Variants in LONRF1 observed in about 807,000 individuals in gnomAD.
LONRF1 encodes the protein LON peptidase N-terminal domain and ring finger 1.
In LONRF1, 37 loss-of-function variants were observed where a neutral mutation model predicts 85.8. The ratio of observed to expected loss-of-function variants is 0.43; its 90% CI spans 0.33 to 0.57. The LOEUF (loss-of-function observed/expected upper bound fraction) is 0.57, where lower values mean the gene tolerates loss of function less well. Ranked by LOEUF, LONRF1 falls within the 20% of genes least tolerant of loss-of-function variation. LONRF1 has a pLI of 0.04. For synonymous variants in LONRF1, 517 were observed against 390.1 expected (o/e 1.33, Z -3.83); for missense variants, 1,036 against 978.0 (o/e 1.06, Z -0.79).
At chr8:12,746,669 A>C (rs1477447337) in intron 1 of LONRF1, among the ~76,000 whole-genome samples, 1 of 152,222 alleles carries the variant, frequency 6.6e-6, no homozygotes, top group Non-Finnish European at 1.5e-5. Flanking sequence ...GTGCTGTTCT[A>C]AATGATTTAC....
At chr8:12,749,251 T>G (rs4437649) in intron 1 of LONRF1, among the ~76,000 whole-genome samples, 1 of 151,930 alleles carries the variant, frequency 6.6e-6, no homozygotes, top group African/African-American at 2.4e-5. Flanking sequence ...ACATAAATGG[T>G]AGCCTAGATA....
chr8:12,754,615 G>A, intron 1 of LONRF1, 85 bp downstream of exon 1: 1 of 1,234,098 alleles, frequency 8.1e-7, no homozygotes, highest in Non-Finnish European at 1.0e-6. Flanking sequence ...GGAGACTCTC[G>A]GGGCGCAGAC....
chr8:12,743,424 A>C, intron 1 of LONRF1, 142 bp from the exon 2 acceptor site: 1 of 595,144 alleles, frequency 1.7e-6, no homozygotes, highest in Non-Finnish European at 2.9e-6. Flanking sequence ...AGCCAAAGGC[A>C]GTATAGGCAC....
chr8:12,724,823 A>C (rs1027779698), intron 11 of LONRF1, among the ~76,000 whole-genome samples: 6 of 152,232 alleles, frequency 3.9e-5, no homozygotes, highest in Non-Finnish European at 7.3e-5. Flanking sequence ...AAACAGAATG[A>C]ATACTAAATT....
chr8:12,752,653 T>A (rs949885267), intron 1 of LONRF1, among the ~76,000 whole-genome samples: 3 of 152,206 alleles, frequency 2.0e-5, no homozygotes, highest in African/African-American at 7.2e-5. Flanking sequence ...CTTTTCCTGT[T>A]AAACATAATA....
intron 6 of LONRF1, among the ~76,000 whole-genome samples, chr8:12,736,150 C>G (rs981834961): frequency 1.3e-5 from 2 of 152,050 alleles, no homozygotes; most frequent in Admixed American, 1.3e-4. Flanking sequence ...CACTAGGCCT[C>G]CTGACCCCGT....
Position 12,738,050 on chromosome 8 carries a change from T to A in LONRF1, c.1058A>T (p.Asp353Val). 1 of 1,610,584 alleles carries A rather than the reference T, an allele frequency of 6.2e-7. No individual in the cohort carries two copies. Among genetic ancestry groups the A allele is most frequent in the Non-Finnish European group, 8.5e-7 (1 of 1,178,514 alleles). The change falls in exon 4 of 12, where the codon GAT becomes GTT. Residue 353 changes from aspartate (D) to valine (V), a missense_variant. By Grantham distance (152) the Asp-to-Val change is radical (BLOSUM62 -3). Transcript: ENST00000398246. ...AGACTCTTCCATCACTGAATGAAAA[T>A]CAAAAGGTCTGTTTTTAGTACATGG... The part of the protein sequence containing the change: ...SLPCTKNRPF[D>V]FHSVMEESQS...
At chr8:12,748,477 A>G (rs1799253822) in intron 1 of LONRF1, among the ~76,000 whole-genome samples, 1 of 152,228 alleles carries the variant, frequency 6.6e-6, no homozygotes, top group Admixed American at 6.5e-5. Context: ...CATTATATGC[A>G]TGAGCCACCA....
intron 11 of LONRF1, among the ~76,000 whole-genome samples, chr8:12,725,106 T>C (rs1300359386): frequency 6.6e-6 from 1 of 152,238 alleles, no homozygotes; most frequent in Non-Finnish European, 1.5e-5. Flanking sequence ...AGCCAGACCC[T>C]TCTTTTATGC....
rs1200818719 is a variant in LONRF1 at position 12,755,491 on chromosome 8, A to C, written c.-71T>G. 3 of 843,224 alleles carry C rather than the reference A, an allele frequency of 3.6e-6. No individual in the cohort carries two copies. The highest frequency in any genetic ancestry group is 4.3e-6 in the Non-Finnish European group (3 of 691,876). The allele number at this position is 843,224 out of a possible 1,614,324, so 52.2% of individuals were successfully genotyped here. A position where few individuals can be genotyped will look rare whatever the true frequency, so the allele number is the denominator to read the frequency against. ...GAGCCTCCCGGGCGCGCGGCTCCGC[A>C]CGCGGCCCGCGAGCAGGGGGGCGTG... On this transcript the variant is annotated 5_prime_UTR_variant, in exon 1 of 12. Coordinates refer to ENST00000398246, the MANE Select transcript of LONRF1 (RefSeq NM_152271.5).
At chr8:12,751,923 C>G (rs1799423305) in intron 1 of LONRF1, among the ~76,000 whole-genome samples, 1 of 152,094 alleles carries the variant, frequency 6.6e-6, no homozygotes, top group Non-Finnish European at 1.5e-5. Context: ...TATGAAACAT[C>G]TGAGAGTTAA....
intron 1 of LONRF1, among the ~76,000 whole-genome samples, chr8:12,744,347 T>A (rs937115532): frequency 6.6e-6 from 1 of 152,140 alleles, no homozygotes; most frequent in Non-Finnish European, 1.5e-5. Flanking sequence ...GAATTTTATA[T>A]CAACGAAAAC....
At chr8:12,744,059 C>G (rs1388640030) in intron 1 of LONRF1, among the ~76,000 whole-genome samples, 1 of 152,058 alleles carries the variant, frequency 6.6e-6, no homozygotes, top group Non-Finnish European at 1.5e-5. Flanking sequence ...GATGTCCAAG[C>G]AAGACATTAA....
At chr8:12,741,130 T>A in intron 2 of LONRF1, 134 bp from the exon 3 acceptor site, 1 of 863,794 alleles carries the variant, frequency 1.2e-6, no homozygotes, top group Non-Finnish European at 1.8e-6. Flanking sequence ...ACGCCTGTAA[T>A]CCCAGCACTT....
At position 12,743,263 on chromosome 8, in the gene LONRF1, T is replaced by A; in HGVS notation, c.741A>T (p.Val247=). Residue 247 remains valine (V), a synonymous_variant, in exon 2 of 12, where the codon GTA becomes GTT. Coordinates refer to ENST00000398246, the MANE Select transcript of LONRF1 (RefSeq NM_152271.5). The part of the protein sequence containing the change: ...ALRAEPSDLI[V]KIYRAESYAG... Reference sequence around the variant, plus strand: ...CATATGATTCCGCTCTGTAAATTTTTACAATCAAGTCACTGGGTTCTGAAA... The same window carrying A: ...CATATGATTCCGCTCTGTAAATTTTAACAATCAAGTCACTGGGTTCTGAAA... The A allele has an allele frequency of 6.2e-7, 1 of 1,601,928 alleles. No individual in the cohort carries two copies. Among genetic ancestry groups the A allele is most frequent in the South Asian group, 1.1e-5 (1 of 90,206 alleles).
At position 12,755,239 on chromosome 8, in the gene LONRF1, C is replaced by A; in HGVS notation, c.182G>T (p.Gly61Val). 8.1e-7 allele frequency: 1 copy of A among 1,237,886 alleles called. No homozygotes were observed. The highest frequency in any genetic ancestry group is 1.0e-6 in the Non-Finnish European group (1 of 993,194). The allele number at this position is 1,237,886 out of a possible 1,614,324, so 76.7% of individuals were successfully genotyped here. A position where few individuals can be genotyped will look rare whatever the true frequency, so the allele number is the denominator to read the frequency against. ...CTCCAGCGCGCCCTTCAGGTGGCCG[C>A]CCAGCGCCAGCAGCTCCCCGCGGCG... ...LLRRGELLAL[G>V]GHLKGALEAF... Residue 61 changes from glycine to valine, a missense_variant, in exon 1 of 12, where the codon GGC becomes GTC. This residue lies in a region of LONRF1 where 742 missense variants were observed against 614.4 expected (regional missense o/e 1.21). Transcript: ENST00000398246.
Position 12,729,084 on chromosome 8 carries a change from G to T in LONRF1, c.1848-21C>A, listed in dbSNP as rs79886025. On this transcript the variant is annotated intron_variant, in intron 9 of 11. Transcript: ENST00000398246. ...CAAAACTAAAAGAAAACCTTGATTA[G>T]TAACAAAGTTGAAACATAAACATGC... 3.1e-3 allele frequency: 4,996 copies of T among 1,612,686 alleles called. 151 individuals carry two copies. The African/African-American group carries it at 0.059, about 19-fold the overall frequency.
intron 1 of LONRF1, among the ~76,000 whole-genome samples, chr8:12,751,677 C>T (rs557698377): frequency 2.6e-5 from 4 of 151,310 alleles, no homozygotes; most frequent in African/African-American, 7.3e-5. Flanking sequence ...ATCACCCCCC[C>T]ACCTTACAAC....
At chr8:12,733,137 G>C (rs985549236) in intron 7 of LONRF1, among the ~76,000 whole-genome samples, 1 of 152,142 alleles carries the variant, frequency 6.6e-6, no homozygotes, top group Non-Finnish European at 1.5e-5. Flanking sequence ...GATGCTGCTG[G>C]TCAGGGGAGC....
Sources: gnomAD v4.1 joint callset for allele counts (sites outside exome capture counted in the v4.1 genomes callset) on GRCh38, gnomAD v4.1.1 for gene constraint, gnomAD v4.1.1 regional missense constraint, MANE v1.5 for transcripts, NCBI Gene and HGNC (gene_info 2026-07-23, HGNC 2026-07-21) for gene names.